Variants in SLF2 observed in about 807,000 individuals in gnomAD.
The protein encoded by SLF2 is SMC5/6 complex localization factor 2.
In SLF2, 68 loss-of-function variants were observed where a neutral mutation model predicts 124.3. The observed-to-expected ratio is 0.55, with a 90% confidence interval of 0.45 to 0.67. SLF2 has a LOEUF of 0.67. SLF2 is among the 30% of genes least tolerant of loss of function. The pLI is 0.00. For missense variants in SLF2, 1,246 were observed against 1,373.7 expected, an observed-to-expected ratio of 0.91 and a Z score of 1.47; for synonymous variants, 480 against 478.8, an observed-to-expected ratio of 1.00 and a Z score of -0.03.
intron 4 of SLF2, among the ~76,000 whole-genome samples, chr10:100,921,895 A>C (rs1410761393): frequency 6.6e-6 from 1 of 152,234 alleles, no homozygotes; most frequent in East Asian, 1.9e-4. Flanking sequence ...TAAGACATTT[A>C]ACCCCAGAAA....
Position 100,929,397 on chromosome 10 carries a change from A to G in SLF2, c.2123A>G (p.Glu708Gly). 6.2e-7 allele frequency: 1 copy of G among 1,613,240 alleles called. No individual in the cohort carries two copies. Among genetic ancestry groups the G allele is most frequent in the East Asian group, 2.2e-5 (1 of 44,818 alleles). Residue 708 changes from glutamate (E) to glycine (G), a missense_variant, in exon 7 of 20, where the codon GAA becomes GGA. Physicochemically the swap from Glu to Gly is moderately conservative, Grantham distance 98. Coordinates refer to ENST00000238961, the MANE Select transcript of SLF2 (RefSeq NM_018121.4). ...AAATCCCCAATCAGAATTGGAGAAG[A>G]AGACAGTACAGATGATGAGGATGGC... ...GIKSPIRIGE[E>G]DSTDDEDGLL...
chr10:100,920,471 T>C (rs1225286030), intron 4 of SLF2, among the ~76,000 whole-genome samples: 1 of 152,254 alleles, frequency 6.6e-6, no homozygotes, highest in East Asian at 1.9e-4. Context: ...CCGTCACTTA[T>C]ATTTTTATTA....
intron 9 of SLF2, among the ~76,000 whole-genome samples, chr10:100,932,718 TGTGCGCGCGCGC>T (rs1296833751): frequency 7.1e-4 from 15 of 21,168 alleles, no homozygotes; most frequent in Admixed American, 3.7e-3. Flanking sequence ...TGTGTGTGTG[TGTGCGCGCGCGC>T]GCGCGCGCAC....
intron 1 of SLF2, among the ~76,000 whole-genome samples, chr10:100,914,895 C>A (rs1447900028): frequency 6.6e-6 from 1 of 152,182 alleles, no homozygotes; most frequent in Non-Finnish European, 1.5e-5. Flanking sequence ...AGCATTCCAA[C>A]CTCATAGTGG....
intron 17 of SLF2, among the ~76,000 whole-genome samples, chr10:100,955,294 C>T (rs913211880): frequency 1.3e-5 from 2 of 151,340 alleles, no homozygotes; most frequent in African/African-American, 4.8e-5. Flanking sequence ...TATAAGAATT[C>T]CCATATATAC....
chr10:100,947,006 T>G, intron 13 of SLF2, 33 bp from the exon 14 acceptor site: 2 of 1,544,694 alleles, frequency 1.3e-6, no homozygotes, highest in South Asian at 2.2e-5. Context: ...CTGTTCTGTT[T>G]GAAAAGAAAT....
Position 100,924,367 on chromosome 10 carries a change from C to T in SLF2, c.1366C>T (p.Leu456Phe). ...EKSAIKKASN[L>F]QKNKTASSTT... ...GTCTGCAATTAAAAAAGCTAGCAAC[C>T]TTCAGAAAAATAAAACCGCTAGCTC... The change falls in exon 5 of 20, where the codon CTT (leucine) becomes TTT (phenylalanine). Residue 456 changes from leucine to phenylalanine, a missense_variant. Coordinates refer to ENST00000238961, the MANE Select transcript of SLF2 (RefSeq NM_018121.4). 1 of 1,613,790 alleles carries T rather than the reference C, an allele frequency of 6.2e-7. No homozygotes were observed. Among genetic ancestry groups the T allele is most frequent in the East Asian group, 2.2e-5 (1 of 44,880 alleles).
intron 19 of SLF2, among the ~76,000 whole-genome samples, chr10:100,961,421 T>C (rs1299556491): frequency 6.6e-6 from 1 of 152,206 alleles, no homozygotes; most frequent in Non-Finnish European, 1.5e-5. Flanking sequence ...ATCAAAATAA[T>C]AGGAACACTG....
At chr10:100,920,944 A>G (rs1226272573) in intron 4 of SLF2, among the ~76,000 whole-genome samples, 1 of 152,164 alleles carries the variant, frequency 6.6e-6, no homozygotes, top group East Asian at 1.9e-4. Context: ...GCAGGACTCA[A>G]TCTCGAAAAA....
chr10:100,936,491 G>A (rs191823157), intron 9 of SLF2, among the ~76,000 whole-genome samples: 39 of 151,068 alleles, frequency 2.6e-4, no homozygotes, highest in Admixed American at 9.9e-4. Flanking sequence ...CCGCCACCAC[G>A]CCTGGCTAAT....
chr10:100,936,890 G>C (rs1849874795), intron 9 of SLF2, among the ~76,000 whole-genome samples: 1 of 150,430 alleles, frequency 6.6e-6, no homozygotes, highest in Non-Finnish European at 1.5e-5. Context: ...CAGCATGTTA[G>C]AATGTAAAGA....
chr10:100,946,416 T>G (rs896069004), intron 13 of SLF2, among the ~76,000 whole-genome samples: 3 of 151,092 alleles, frequency 2.0e-5, no homozygotes, highest in Non-Finnish European at 4.4e-5. Flanking sequence ...AGCCTCTGCC[T>G]TCCGGATTCA....
chr10:100,925,066 GTATT>G (rs1849590734), intron 5 of SLF2, 94 bp downstream of exon 5: 3 of 1,258,290 alleles, frequency 2.4e-6, no homozygotes, highest in African/African-American at 3.0e-5. Context: ...TTAAAATTTA[GTATT>G]TATTATAACT....
rs200291736 is a variant in SLF2 at position 100,924,760 on chromosome 10, A to G, written c.1759A>G (p.Asn587Asp). ...PSEGESSGNSNAGSSALKRKL... is the reference protein window; with the variant it reads ...PSEGESSGNSDAGSSALKRKL... The stretch of plus-strand genomic sequence containing the variant: ...AGAAGGAGAGAGTTCAGGAAATTCC[A>G]ATGCAGGTAGCAGTGCACTGAAAAG... Residue 587 changes from asparagine to aspartate, a missense_variant, in exon 5 of 20, where the codon AAT becomes GAT. Physicochemically the swap from Asn to Asp is conservative, Grantham distance 23 (BLOSUM62 1). Around this residue, in one of 3 missense-constraint regions of SLF2, gnomAD observed 698 missense variants for 708.9 expected, o/e 0.98. Transcript: ENST00000238961. The G allele has an allele frequency of 3.0e-5, 48 of 1,614,194 alleles. No homozygotes were observed. The Middle Eastern group carries it at 4.9e-4, about 17-fold the overall frequency.
At chr10:100,940,987 C>T (rs1479583933) in intron 11 of SLF2, among the ~76,000 whole-genome samples, 1 of 151,074 alleles carries the variant, frequency 6.6e-6, no homozygotes, top group Non-Finnish European at 1.5e-5. Context: ...CAGACACACG[C>T]CACCATGCCT....
At chr10:100,958,028 G>A (rs1385727371) in intron 18 of SLF2, among the ~76,000 whole-genome samples, 4 of 151,996 alleles carry the variant, frequency 2.6e-5, no homozygotes, top group African/African-American at 4.8e-5. Context: ...CAGCCTGGGC[G>A]ACAGAGCAAG....
chr10:100,937,537 A>G (rs191092833), intron 10 of SLF2, 60 bp downstream of exon 10: 1 of 926,984 alleles, frequency 1.1e-6, no homozygotes, highest in East Asian at 2.4e-5. Context: ...TTTACATGGT[A>G]TCTTTCACAT....
intron 4 of SLF2, among the ~76,000 whole-genome samples, chr10:100,921,512 T>C (rs545799293): frequency 3.3e-5 from 5 of 152,380 alleles, no homozygotes; most frequent in South Asian, 2.1e-4. Context: ...AAAAGAATTA[T>C]GAACATTTTG....
chr10:100,953,462 A>T (rs1014899270), intron 17 of SLF2, among the ~76,000 whole-genome samples: 1 of 141,840 alleles, frequency 7.1e-6, no homozygotes, highest in Admixed American at 7.0e-5. Flanking sequence ...ATCTCTGTTT[A>T]AAAAAAAAAA....
Sources: allele counts gnomAD v4.1 joint callset (sites outside exome capture counted in the v4.1 genomes callset), GRCh38; gene constraint gnomAD v4.1.1; regional missense constraint gnomAD v4.1.1; transcripts MANE v1.5; gene names NCBI Gene and HGNC (gene_info 2026-07-23, HGNC 2026-07-21).